ENG: variants seen among roughly 807,000 people sequenced by gnomAD.
ENG encodes CD105 antigen.
A neutral mutation model predicts 71.0 loss-of-function variants in ENG; 17 were observed. The ratio of observed to expected loss-of-function variants is 0.24; its 90% CI spans 0.16 to 0.36. The LOEUF (loss-of-function observed/expected upper bound fraction) is 0.36, where lower values mean the gene tolerates loss of function less well. ENG is among the 10% of genes least tolerant of loss of function. The pLI, the probability that ENG is intolerant of heterozygous loss-of-function variation, is 1.00. For missense variants in ENG, 749 were observed against 868.3 expected, an observed-to-expected ratio of 0.86 and a Z score of 1.73; for synonymous variants, 360 against 366.9, an observed-to-expected ratio of 0.98 and a Z score of 0.21.
rs1046451583 is a variant in ENG at position 127,825,436 on chromosome 9, C to T, written c.690-79G>A. The stretch of plus-strand genomic sequence containing the variant: ...GCGAGGCCTGGCGTCGGGTGGGCGG[C>T]GGCTGCACTCTTACCTGGCCAGGTG... On this transcript the variant is annotated intron_variant, in intron 5 of 14. Transcript: ENST00000373203. The T allele has an allele frequency of 1.4e-5, 23 of 1,589,676 alleles. No individual in the cohort carries two copies. The East Asian group carries it at 1.8e-4, about 12-fold the overall frequency.
At chr9:127,823,411 T>G (rs1830517955) in intron 8 of ENG, among the ~76,000 whole-genome samples, 1 of 149,660 alleles carries the variant, frequency 6.7e-6, no homozygotes, top group Admixed American at 6.7e-5. Context: ...TTCTTTGAGA[T>G]GGAGTCTCTC....
intron 10 of ENG, chr9:127,819,180 G>A (rs1440075254): frequency 3.0e-6 from 1 of 335,722 alleles, no homozygotes; most frequent in Middle Eastern, 1.0e-3. Context: ...CTCGTGATCT[G>A]CCCGCCTCGG....
In ENG at chr9:127,817,814, T is replaced by C. The variant is rs10987746; in HGVS notation, c.1686+306A>G. The stretch of plus-strand genomic sequence containing the variant: ...CCATACTACATGGATGTGCGGGTGG[T>C]TAGATTCCTGGGTGGGAGGGTGGAT... On this transcript the variant is annotated intron_variant, in intron 12 of 14. Transcript: ENST00000373203. The C allele has an allele frequency of 0.47, 242,108 of 514,410 alleles. 58,533 individuals carry two copies. Among genetic ancestry groups the C allele is most frequent in the East Asian group, 0.69 (19,870 of 28,880 alleles). The allele number at this position is 514,410 out of a possible 1,614,324, so 31.9% of individuals were successfully genotyped here.
At chr9:127,839,391 G>C (rs1006031717) in intron 2 of ENG, among the ~76,000 whole-genome samples, 6 of 152,248 alleles carry the variant, frequency 3.9e-5, no homozygotes, top group African/African-American at 1.4e-4. Flanking sequence ...GAAACCACAG[G>C]GTCCTCAGTG....
intron 2 of ENG, among the ~76,000 whole-genome samples, chr9:127,834,238 A>AGGTTGGTT (rs1830839756): frequency 6.6e-6 from 1 of 151,324 alleles, no homozygotes; most frequent in African/African-American, 2.4e-5. Flanking sequence ...ATGCCCAGCT[A>AGGTTGGTT]ATTTTTGTAT....
chr9:127,824,756 C>T (rs1830560068), intron 7 of ENG, 44 bp downstream of exon 7: 3 of 1,465,956 alleles, frequency 2.0e-6, no homozygotes, highest in Admixed American at 2.5e-5. Flanking sequence ...GCCACTGATC[C>T]AAGGGAGGGG....
At position 127,815,484 on chromosome 9, in the gene ENG, G is replaced by T. The variant is rs1830283266; in HGVS notation, c.*198C>A. ...CCCACTGGGTTGAAGGTTCTGTGGG[G>T]TGGAGGGACCCCAAGGTGTTCCAAG... On this transcript the variant is annotated 3_prime_UTR_variant, in exon 15 of 15. Coordinates refer to ENST00000373203, the MANE Select transcript of ENG (RefSeq NM_001114753.3). The T allele has an allele frequency of 9.3e-7, 1 of 1,078,124 alleles. No individual in the cohort carries two copies. The highest frequency in any genetic ancestry group is 1.3e-6 in the Non-Finnish European group (1 of 775,784). 66.8% of individuals were successfully genotyped at this position (1,078,124 alleles called of 1,614,324 possible).
intron 1 of ENG, among the ~76,000 whole-genome samples, chr9:127,844,785 C>T (rs1287007270): frequency 6.6e-6 from 1 of 152,192 alleles, no homozygotes; most frequent in Non-Finnish European, 1.5e-5. Context: ...TAGGTGTGAA[C>T]CCAAGTCTCC....
intron 11 of ENG, 33 bp downstream of exon 11, chr9:127,818,683 G>A (rs1168926052): frequency 6.2e-7 from 1 of 1,604,432 alleles, no homozygotes; most frequent in East Asian, 2.2e-5. Context: ...CCAGGAGCTG[G>A]GAGGCCCGAG....
chr9:127,816,177 A>T, intron 13 of ENG, 124 bp from the exon 14 acceptor site: 3 of 1,212,544 alleles, frequency 2.5e-6, no homozygotes, highest in Non-Finnish European at 3.5e-6. Context: ...ACTTCTCTGA[A>T]CCTCAGTCTC....
chr9:127,829,643 C>T, intron 3 of ENG, 44 bp downstream of exon 3: 1 of 1,612,128 alleles, frequency 6.2e-7, no homozygotes, highest in Non-Finnish European at 8.5e-7. Context: ...TAGGGACCTC[C>T]CATGGCCAGA....
chr9:127,850,725 A>G (rs1459427100), intron 1 of ENG, among the ~76,000 whole-genome samples: 1 of 152,206 alleles, frequency 6.6e-6, no homozygotes, highest in Non-Finnish European at 1.5e-5. Flanking sequence ...ACACTCAGGA[A>G]CACTCTTCAA....
At chr9:127,823,146 T>G (rs767349139) in intron 8 of ENG, among the ~76,000 whole-genome samples, 7 of 151,784 alleles carry the variant, frequency 4.6e-5, no homozygotes, top group Non-Finnish European at 8.8e-5. Context: ...GGCCAGCATG[T>G]GTTCTTTCAT....
In ENG at chr9:127,845,599, T is replaced by C. The variant is rs182498157; in HGVS notation, c.68-2354A>G. 3.0e-3 allele frequency among the ~76,000 whole-genome samples: 452 copies of C among 152,384 alleles called. 5 individuals are homozygous for C. Among genetic ancestry groups the C allele is most frequent in the Non-Finnish European group, 9.0e-4 (61 of 68,046 alleles). ...TGGCTCTGGTGAATGATTTCACCTC[T>C]TGGGGCTTCAATACCTGGTCTATAA... On this transcript the variant is annotated intron_variant, in intron 1 of 14. Coordinates refer to ENST00000373203, the MANE Select transcript of ENG (RefSeq NM_001114753.3).
intron 3 of ENG, 112 bp downstream of exon 3, chr9:127,829,575 A>T: frequency 7.1e-7 from 1 of 1,400,570 alleles, no homozygotes; most frequent in Non-Finnish European, 9.9e-7. Context: ...TCAAGATGAA[A>T]GGGAGAAGCA....
rs777633247 is a variant in ENG, at chr9:127,825,791, G to A, written c.593C>T (p.Pro198Leu). 9.4e-6 allele frequency: 15 copies of A among 1,594,874 alleles called. No individual in the cohort carries two copies. The highest frequency in any genetic ancestry group is 8.0e-5 in the African/African-American group (6 of 74,576). Residue 198 changes from proline to leucine, a missense_variant, in exon 5 of 15, where the codon CCG (proline) becomes CTG (leucine). Physicochemically the swap from Pro to Leu is moderately conservative, Grantham distance 98 (BLOSUM62 -3). Transcript: ENST00000373203. Reference sequence around the variant, plus strand: ...GCCCCGGACCAAGGCTGGAGTACGCGGCCGCCACTCGAGCGTGCGGCCCAT... The same window carrying A: ...GCCCCGGACCAAGGCTGGAGTACGCAGCCGCCACTCGAGCGTGCGGCCCAT... ...QDMGRTLEWR[P>L]RTPALVRGCH...
chr9:127,840,743 C>T (rs1280448828), intron 2 of ENG, among the ~76,000 whole-genome samples: 1 of 152,196 alleles, frequency 6.6e-6, no homozygotes, highest in Non-Finnish European at 1.5e-5. Context: ...GTCTCTACCA[C>T]CTCCTCAAAT....
intron 14 of ENG, 29 bp from the exon 15 acceptor site, chr9:127,815,835 A>AGGTCAGGGTCCT (rs1830296261): frequency 2.6e-6 from 4 of 1,548,564 alleles, no homozygotes; most frequent in Non-Finnish European, 3.5e-6. Context: ...GCAGGGGCGG[A>AGGTCAGGGTCCT]GGTCAGGGTC....
chr9:127,836,095 C>T lies in ENG; in HGVS notation c.220-6268G>A, dbSNP rs1391675136. 2.0e-5 allele frequency among the ~76,000 whole-genome samples: 3 copies of T among 152,234 alleles called. No individual in the cohort carries two copies. The highest frequency in any genetic ancestry group is 2.0e-4 in the Admixed American group (3 of 15,280). ...TCTACAGCAAACATTTCCCTCCCCA[C>T]GGCCCTGACTCACCGCCACGGCCAC... On this transcript the variant is annotated intron_variant, in intron 2 of 14. Transcript: ENST00000373203. The surrounding 1 kb of genome is among the most constrained non-coding windows in gnomAD (Gnocchi z 4.0).
Sources: allele counts gnomAD v4.1 joint callset (sites outside exome capture counted in the v4.1 genomes callset), GRCh38; gene constraint gnomAD v4.1.1; non-coding constraint Gnocchi (gnomAD v3.1); transcripts MANE v1.5; gene names NCBI Gene and HGNC (gene_info 2026-07-23, HGNC 2026-07-21).